The following FOXP1 variants were observed in gnomAD, a reference collection of about 807,000 sequenced individuals.
The protein encoded by FOXP1 is forkhead box protein P1.
Under a neutral mutation model 98.2 loss-of-function variants are expected in FOXP1, and 15 were observed. The observed-to-expected ratio is 0.15, with a 90% confidence interval of 0.10 to 0.24. The LOEUF (loss-of-function observed/expected upper bound fraction) is 0.24. Among genes scored for constraint, FOXP1 ranks in the 10% least tolerant of loss-of-function variants. FOXP1 has a pLI of 1.00. For missense variants in FOXP1, 633 were observed against 848.5 expected (o/e 0.75, Z 3.15); for synonymous variants, 371 against 314.5 (o/e 1.18, Z -1.90).
intron 4 of FOXP1, among the ~76,000 whole-genome samples, chr3:71,314,618 T>G (rs1383451026): frequency 6.6e-6 from 1 of 151,750 alleles, no homozygotes; most frequent in East Asian, 1.9e-4. Context: ...TTAAACTTCT[T>G]AAGAACATAG....
chr3:71,198,432 G>GGGCCCCCCCCCCCCCCC, intron 5 of FOXP1, 40 bp from the exon 6 acceptor site: 1 of 491,034 alleles, frequency 2.0e-6, no homozygotes. Flanking sequence ...GGGAGGGGGG[G>GGGCCCCCCCCCCCCCCC]AGAAAAAAAA....
At chr3:71,347,523 G>A (rs929174368) in intron 4 of FOXP1, among the ~76,000 whole-genome samples, 3 of 152,074 alleles carry the variant, frequency 2.0e-5, no homozygotes, top group African/African-American at 7.2e-5. Context: ...AAGAACTAAG[G>A]TTTACTATTT....
chr3:70,961,556 T>C (rs1162556168), intron 20 of FOXP1, among the ~76,000 whole-genome samples: 2 of 152,006 alleles, frequency 1.3e-5, no homozygotes, highest in Non-Finnish European at 2.9e-5. Flanking sequence ...AAAGGAACAG[T>C]TGTACATCAG....
chr3:71,114,383 G>A (rs1036564427), intron 6 of FOXP1, among the ~76,000 whole-genome samples: 10 of 152,214 alleles, frequency 6.6e-5, no homozygotes, highest in East Asian at 1.9e-4. Flanking sequence ...ACGTAAAAAC[G>A]TGGAGTGTGC....
chr3:71,355,812 T>C (rs2078113631), intron 4 of FOXP1, among the ~76,000 whole-genome samples: 1 of 152,136 alleles, frequency 6.6e-6, no homozygotes, highest in Non-Finnish European at 1.5e-5. Flanking sequence ...TTTGTTATTA[T>C]AGGTGGTGTG....
At chr3:71,448,010 C>T (rs2086606212) in intron 3 of FOXP1, among the ~76,000 whole-genome samples, 1 of 152,222 alleles carries the variant, frequency 6.6e-6, no homozygotes, top group Non-Finnish European at 1.5e-5. Context: ...TTCATTCATA[C>T]ACACCACACA....
intron 7 of FOXP1, among the ~76,000 whole-genome samples, chr3:71,106,122 C>G (rs1279374503): frequency 6.6e-6 from 1 of 152,102 alleles, no homozygotes. Flanking sequence ...TTCCATCTTC[C>G]TCATCCATTA....
chr3:71,470,827 T>C (rs1577691091), intron 3 of FOXP1, among the ~76,000 whole-genome samples: 1 of 152,198 alleles, frequency 6.6e-6, no homozygotes, highest in African/African-American at 2.4e-5. Flanking sequence ...ACTTCAACTA[T>C]TCAGTGTATC....
rs113974270 is a variant in FOXP1 at position 71,407,085 on chromosome 3, T to C, written c.-167-47841A>G. Among the ~76,000 whole-genome samples, 904 of 152,266 alleles carry C rather than the reference T, an allele frequency of 5.9e-3. 9 individuals carry two copies. Among genetic ancestry groups the C allele is most frequent in the Non-Finnish European group, 9.4e-3 (639 of 68,010 alleles). On this transcript the variant is annotated intron_variant, in intron 3 of 20. Transcript: ENST00000649528. ...GGATAGTCACAGGAGAAATTTCTGCTTGATTCTAAATACAGCAACTCCACT... is the reference window on the plus strand; with the variant it reads ...GGATAGTCACAGGAGAAATTTCTGCCTGATTCTAAATACAGCAACTCCACT...
At chr3:71,050,362 A>T (rs1451691453) in intron 9 of FOXP1, among the ~76,000 whole-genome samples, 1 of 152,238 alleles carries the variant, frequency 6.6e-6, no homozygotes, top group African/African-American at 2.4e-5. Context: ...TAAGAGGTTA[A>T]TAAGAAGTGG....
chr3:71,010,872 T>C (rs2043509479), intron 12 of FOXP1, among the ~76,000 whole-genome samples: 1 of 116,594 alleles, frequency 8.6e-6, no homozygotes, highest in East Asian at 3.0e-4. Flanking sequence ...AGAAGCCAGG[T>C]GGTTTTTACT....
intron 5 of FOXP1, among the ~76,000 whole-genome samples, chr3:71,277,604 T>G (rs2071050691): frequency 6.6e-6 from 1 of 152,082 alleles, no homozygotes; most frequent in Non-Finnish European, 1.5e-5. Flanking sequence ...CATATTATAT[T>G]CCAGCCATGC....
chr3:71,194,184 A>G (rs889566126), intron 6 of FOXP1, among the ~76,000 whole-genome samples: 1 of 151,860 alleles, frequency 6.6e-6, no homozygotes, highest in African/African-American at 2.4e-5. Context: ...ATATAAAATG[A>G]TAGCCACACC....
intron 11 of FOXP1, among the ~76,000 whole-genome samples, chr3:71,034,525 T>C (rs1183417770): frequency 6.6e-6 from 1 of 151,546 alleles, no homozygotes; most frequent in Non-Finnish European, 1.5e-5. Context: ...GAGGATTAAA[T>C]AGGAAAATCA....
chr3:71,312,972 C>G (rs562361061), intron 4 of FOXP1, among the ~76,000 whole-genome samples: 1 of 151,548 alleles, frequency 6.6e-6, no homozygotes, highest in African/African-American at 2.4e-5. Context: ...GCCTGGGTGA[C>G]AGAGTGAAAC....
At chr3:71,575,114 G>A (rs907845395) in intron 2 of FOXP1, among the ~76,000 whole-genome samples, 2 of 152,156 alleles carry the variant, frequency 1.3e-5, no homozygotes, top group Non-Finnish European at 2.9e-5. Flanking sequence ...GCACATCCAG[G>A]AGTCGTGCAA....
intron 3 of FOXP1, among the ~76,000 whole-genome samples, chr3:71,429,680 G>A (rs781574133): frequency 3.5e-4 from 54 of 152,260 alleles, no homozygotes; most frequent in Admixed American, 3.3e-3. Flanking sequence ...ATAATGATTC[G>A]TCTGTGTTAA....
At chr3:71,062,054 A>G (rs183958805) in intron 7 of FOXP1, among the ~76,000 whole-genome samples, 87 of 152,298 alleles carry the variant, frequency 5.7e-4, no homozygotes, top group African/African-American at 1.9e-3. Flanking sequence ...GTGTCATAAA[A>G]GAGTTTATCT....
intron 7 of FOXP1, among the ~76,000 whole-genome samples, chr3:71,083,105 G>A (rs865782873): frequency 6.6e-6 from 1 of 152,198 alleles, no homozygotes; most frequent in Non-Finnish European, 1.5e-5. Context: ...ACCAAATCTT[G>A]TGTTGAACTG....
Sources: allele counts gnomAD v4.1 joint callset (sites outside exome capture counted in the v4.1 genomes callset), GRCh38; gene constraint gnomAD v4.1.1; transcripts MANE v1.5; gene names NCBI Gene and HGNC (gene_info 2026-07-23, HGNC 2026-07-21).